PTPRK: variants seen among roughly 807,000 people sequenced by gnomAD.
PTPRK encodes receptor-type tyrosine-protein phosphatase kappa.
PTPRK carries 75 observed loss-of-function variants against 178.0 expected under a neutral mutation model. That is an observed-to-expected ratio of 0.42 (90% CI 0.35 to 0.51). PTPRK has a LOEUF of 0.51. Ranked by LOEUF, PTPRK falls within the 20% of genes least tolerant of loss-of-function variation. The pLI is 0.02. For missense variants in PTPRK, 1,441 were observed against 1,797.8 expected (o/e 0.80, Z 3.59); for synonymous variants, 637 against 620.6 (o/e 1.03, Z -0.39).
At chr6:128,127,497 C>A (rs993025006) in intron 7 of PTPRK, among the ~76,000 whole-genome samples, 2 of 152,128 alleles carry the variant, frequency 1.3e-5, no homozygotes, top group East Asian at 1.9e-4. Flanking sequence ...CCAATACAGA[C>A]CCTATATGCA....
rs1178361423 is a variant in PTPRK, at chr6:127,998,908, G to C, written c.2495-4C>G. On this transcript the variant is annotated splice_region_variant and splice_polypyrimidine_tract_variant and intron_variant, in intron 15 of 29. Coordinates refer to ENST00000368226, the MANE Select transcript of PTPRK (RefSeq NM_002844.4). Reference sequence around the variant, plus strand: ...GCTGTAGCACTGTGGTTCTCATCTGGCATTTTTCAGATTTCAGAAGATTAA... The same window carrying C: ...GCTGTAGCACTGTGGTTCTCATCTGCCATTTTTCAGATTTCAGAAGATTAA... The C allele has an allele frequency of 6.6e-7, 1 of 1,515,016 alleles. No individual in the cohort carries two copies. Among genetic ancestry groups the C allele is most frequent in the South Asian group, 1.3e-5 (1 of 78,542 alleles). The allele number at this position is 1,515,016 out of a possible 1,614,324, so 93.8% of individuals were successfully genotyped here.
intron 1 of PTPRK, among the ~76,000 whole-genome samples, chr6:128,518,477 A>G (rs1858428705): frequency 1.3e-5 from 2 of 152,346 alleles, no homozygotes; most frequent in Non-Finnish European, 1.5e-5. Flanking sequence ...AGACATTAAT[A>G]GTTGCAACTC....
At chr6:128,066,206 T>C (rs1180118838) in intron 12 of PTPRK, among the ~76,000 whole-genome samples, 1 of 152,188 alleles carries the variant, frequency 6.6e-6, no homozygotes, top group Non-Finnish European at 1.5e-5. Context: ...GTTCTGTTTT[T>C]ATAGTAGCCC....
intron 3 of PTPRK, among the ~76,000 whole-genome samples, chr6:128,270,078 T>C (rs1408448336): frequency 1.3e-5 from 2 of 152,152 alleles, no homozygotes; most frequent in Non-Finnish European, 2.9e-5. Context: ...TGGGCTAAGA[T>C]CGTTTCCTGG....
chr6:128,502,368 C>A (rs1394697454), intron 1 of PTPRK, among the ~76,000 whole-genome samples: 1 of 152,174 alleles, frequency 6.6e-6, no homozygotes, highest in Non-Finnish European at 1.5e-5. Context: ...AGTGGATGCA[C>A]CAAAGCCTTC....
chr6:128,109,179 G>C (rs910621512), intron 7 of PTPRK, among the ~76,000 whole-genome samples: 1 of 152,024 alleles, frequency 6.6e-6, no homozygotes, highest in African/African-American at 2.4e-5. Context: ...CAAATGAACA[G>C]CCTCATCAGC....
Position 128,097,908 on chromosome 6 carries a change from G to T in PTPRK, c.1163-7916C>A, listed in dbSNP as rs376967182. On this transcript the variant is annotated intron_variant, in intron 7 of 29. Coordinates refer to ENST00000368226, the MANE Select transcript of PTPRK (RefSeq NM_002844.4). ...GATTTGTGTACAACCCTAAAAAAAT[G>T]TAATATGGAAAACACTGCTTCATAA... 3.3e-5 allele frequency among the ~76,000 whole-genome samples: 5 copies of T among 152,092 alleles called. No individual in the cohort carries two copies. The East Asian group carries it at 5.8e-4, about 18-fold the overall frequency.
intron 3 of PTPRK, among the ~76,000 whole-genome samples, chr6:128,260,417 T>C (rs144811982): frequency 3.9e-4 from 60 of 152,136 alleles, no homozygotes; most frequent in African/African-American, 5.5e-4. Context: ...AAAAATAAAA[T>C]AGAGAAGATG....
At chr6:128,078,995 T>C in intron 10 of PTPRK, 77 bp from the exon 11 acceptor site, 1 of 920,680 alleles carries the variant, frequency 1.1e-6, no homozygotes, top group Non-Finnish European at 1.7e-6. Context: ...GAACAGACAA[T>C]CTTAAGTTAG....
At chr6:128,033,690 A>G (rs777576070) in intron 13 of PTPRK, among the ~76,000 whole-genome samples, 48 of 152,090 alleles carry the variant, frequency 3.2e-4, no homozygotes, top group Non-Finnish European at 4.3e-4. Context: ...TGGGCTACGT[A>G]GAGAGATCTA....
At chr6:128,218,085 C>G (rs1213991709) in intron 6 of PTPRK, among the ~76,000 whole-genome samples, 1 of 152,096 alleles carries the variant, frequency 6.6e-6, no homozygotes, top group Non-Finnish European at 1.5e-5. Context: ...AACACCTTAA[C>G]TAAAATATCA....
At chr6:128,415,458 TC>T (rs1263038587) in intron 1 of PTPRK, among the ~76,000 whole-genome samples, 4 of 151,064 alleles carry the variant, frequency 2.6e-5, no homozygotes, top group African/African-American at 9.7e-5. Context: ...AGAACTGTCT[TC>T]CTATTTTCAG....
intron 7 of PTPRK, among the ~76,000 whole-genome samples, chr6:128,100,092 G>C (rs1485217340): frequency 6.6e-6 from 1 of 152,104 alleles, no homozygotes; most frequent in East Asian, 1.9e-4. Flanking sequence ...GCATCAAGCT[G>C]AGATAGTAAA....
At chr6:128,445,051 A>C (rs534424876) in intron 1 of PTPRK, among the ~76,000 whole-genome samples, 1 of 151,772 alleles carries the variant, frequency 6.6e-6, no homozygotes, top group East Asian at 1.9e-4. Flanking sequence ...TGCTCAAAAA[A>C]ATGAGAGCTC....
At chr6:128,232,377 C>T (rs944700884) in intron 5 of PTPRK, among the ~76,000 whole-genome samples, 1 of 152,158 alleles carries the variant, frequency 6.6e-6, no homozygotes, top group Non-Finnish European at 1.5e-5. Flanking sequence ...AATCACATGT[C>T]AGGGCAAAAA....
intron 3 of PTPRK, among the ~76,000 whole-genome samples, chr6:128,247,811 A>G (rs1360025843): frequency 6.6e-6 from 1 of 152,200 alleles, no homozygotes; most frequent in Non-Finnish European, 1.5e-5. Context: ...GCCATAAAAG[A>G]CACATGTACT....
chr6:128,499,841 T>C (rs1855285144), intron 1 of PTPRK, among the ~76,000 whole-genome samples: 1 of 152,348 alleles, frequency 6.6e-6, no homozygotes, highest in Middle Eastern at 3.4e-3. Context: ...TATATTCTAT[T>C]TCATGGTTGG....
intron 1 of PTPRK, among the ~76,000 whole-genome samples, chr6:128,449,094 T>A (rs990928015): frequency 6.6e-5 from 10 of 152,020 alleles, no homozygotes; most frequent in Non-Finnish European, 1.0e-4. Flanking sequence ...ACTCCTGACC[T>A]CGTGATCCAC....
chr6:128,304,924 G>T (rs1416015733), intron 3 of PTPRK, among the ~76,000 whole-genome samples: 1 of 152,134 alleles, frequency 6.6e-6, no homozygotes, highest in East Asian at 1.9e-4. Context: ...TTAAGAAATG[G>T]ATCATATACC....
Sources: gnomAD v4.1 joint callset for allele counts (sites outside exome capture counted in the v4.1 genomes callset) on GRCh38, gnomAD v4.1.1 for gene constraint, MANE v1.5 for transcripts, NCBI Gene and HGNC (gene_info 2026-07-23, HGNC 2026-07-21) for gene names.